CHMP7: variants seen among roughly 807,000 people sequenced by gnomAD.
CHMP7 encodes CHMP family, member 7.
In CHMP7, 15 loss-of-function variants were observed where a neutral mutation model predicts 53.7. That is an observed-to-expected ratio of 0.28 (90% CI 0.19 to 0.43). The LOEUF is 0.43. Among genes scored for constraint, CHMP7 ranks in the 20% least tolerant of loss-of-function variants. The probability of loss-of-function intolerance (pLI) is 1.00; values close to 1 mark genes in which losing one functional copy is unlikely to be tolerated. For synonymous variants in CHMP7, 261 were observed against 228.0 expected, an observed-to-expected ratio of 1.14 and a Z score of -1.30; for missense variants, 527 against 569.4, an observed-to-expected ratio of 0.93 and a Z score of 0.76.
chr8:23,260,419 C>G, intron 10 of CHMP7, 96 bp downstream of exon 10: 1 of 1,535,294 alleles, frequency 6.5e-7, no homozygotes, highest in Non-Finnish European at 9.0e-7. Context: ...TGCCAGAGTA[C>G]CAGAGCCCTG....
chr8:23,253,379 G>T (rs1802001124), intron 3 of CHMP7, among the ~76,000 whole-genome samples: 1 of 152,196 alleles, frequency 6.6e-6, no homozygotes, highest in Non-Finnish European at 1.5e-5. Flanking sequence ...CGCCTCCTGG[G>T]TTCAAGCAAT....
chr8:23,257,245 C>T (rs952229863), intron 5 of CHMP7, among the ~76,000 whole-genome samples: 4 of 151,972 alleles, frequency 2.6e-5, no homozygotes, highest in East Asian at 1.9e-4. Context: ...CACAAGTGTG[C>T]ACCACCATGC....
At chr8:23,251,566 CAATAA>C (rs1169693318) in intron 3 of CHMP7, among the ~76,000 whole-genome samples, 2 of 152,204 alleles carry the variant, frequency 1.3e-5, no homozygotes, top group African/African-American at 4.8e-5. Flanking sequence ...GGTAGACAGT[CAATAA>C]ATACCTGTTG....
chr8:23,260,638 A>T lies in CHMP7; in HGVS notation c.*39A>T. 1 of 1,498,304 alleles carries T rather than the reference A, an allele frequency of 6.7e-7. No homozygotes were observed. Among genetic ancestry groups the T allele is most frequent in the South Asian group, 1.1e-5 (1 of 88,776 alleles). The allele number at this position is 1,498,304 out of a possible 1,614,324, so 92.8% of individuals were successfully genotyped here. ...AGGACCCTCATGTAAAAGAGAGACC[A>T]GGCTTGCTGGGTGTGTACATAGTTA... On this transcript the variant is annotated 3_prime_UTR_variant, in exon 11 of 11. Transcript: ENST00000397677.
chr8:23,246,661 C>A lies in CHMP7; in HGVS notation c.-35C>A. The A allele has an allele frequency of 6.5e-7, 1 of 1,533,666 alleles. No individual in the cohort carries two copies. The highest frequency in any genetic ancestry group is 8.8e-7 in the Non-Finnish European group (1 of 1,137,056). On this transcript the variant is annotated 5_prime_UTR_variant, in exon 2 of 11. Coordinates refer to ENST00000397677, the MANE Select transcript of CHMP7 (RefSeq NM_152272.5). ...AGGGCGGAAGCGGACCAGGGCCAGG[C>A]TTGTGTTCGCAGCCTTGCCGGGGCT...
At chr8:23,255,098 C>CT in intron 3 of CHMP7, 149 bp from the exon 4 acceptor site, 1 of 752,182 alleles carries the variant, frequency 1.3e-6, no homozygotes, top group South Asian at 1.7e-5. Context: ...ATCCTTCCTC[C>CT]TTTTTGAAAA....
intron 9 of CHMP7, 25 bp from the exon 10 acceptor site, chr8:23,260,119 T>C (rs760544469): frequency 1.2e-6 from 2 of 1,603,716 alleles, no homozygotes; most frequent in Admixed American, 1.7e-5. Flanking sequence ...AGTTTATGCA[T>C]CTTTATGTTG....
At chr8:23,259,866 C>G in intron 9 of CHMP7, 1 of 386,642 alleles carries the variant, frequency 2.6e-6, no homozygotes, top group Non-Finnish European at 4.7e-6. Flanking sequence ...TCCTCATTCA[C>G]AAGGCTTCTG....
intron 9 of CHMP7, among the ~76,000 whole-genome samples, chr8:23,259,356 G>A (rs1802288617): frequency 7.0e-6 from 1 of 143,224 alleles, no homozygotes; most frequent in Non-Finnish European, 1.5e-5. Flanking sequence ...TTTTAGTAGA[G>A]ACGGGGTCAT....
Position 23,246,468 on chromosome 8 carries a change from AG to A in CHMP7, c.-227del. On this transcript the variant is annotated 5_prime_UTR_variant, in exon 2 of 11. Transcript: ENST00000397677. ...GACCGTGGGAGGAGGGGTCGGCGCA[AG>A]CGCTCGGTGTCTCTCTGAAAAGAAC... The A allele has an allele frequency of 1.8e-6, 1 of 554,954 alleles. No homozygotes were observed. Among genetic ancestry groups the A allele is most frequent in the Non-Finnish European group, 3.2e-6 (1 of 314,002 alleles). The allele number at this position is 554,954 out of a possible 1,614,324, so 34.4% of individuals were successfully genotyped here.
intron 3 of CHMP7, among the ~76,000 whole-genome samples, chr8:23,250,620 CTGTGTGTGTGTGTGTGTGTGTGTGTGTG>C (rs59970101): frequency 0.059 from 8,511 of 143,392 alleles, 358 homozygotes; most frequent in Middle Eastern, 0.15. Context: ...TGATAGGGGC[CTGTGTGTGTGTGTGTGTGTGTGTGTGTG>C]TGTGTGTGTG....
Position 23,260,294 on chromosome 8 carries a change from A to G in CHMP7, c.1271A>G (p.Glu424Gly). Reference protein sequence around the residue: ...PRISDAELEAELEKLSLSEGG... With the variant: ...PRISDAELEAGLEKLSLSEGG... ...ATCTCAGATGCTGAACTTGAAGCTG[A>G]ACTTGAGAAACTGTCCTTATCAGAG... Residue 424 changes from glutamate to glycine, a missense_variant, in exon 10 of 11, where the codon GAA becomes GGA. Glu to Gly is a moderately conservative substitution (Grantham distance 98). Coordinates refer to ENST00000397677, the MANE Select transcript of CHMP7 (RefSeq NM_152272.5). 6.2e-7 allele frequency: 1 copy of G among 1,614,212 alleles called. No individual in the cohort carries two copies. The highest frequency in any genetic ancestry group is 1.1e-5 in the South Asian group (1 of 91,088).
intron 1 of CHMP7, among the ~76,000 whole-genome samples, chr8:23,245,653 T>G (rs1801659060): frequency 6.6e-6 from 1 of 152,214 alleles, no homozygotes. Flanking sequence ...AGTTGGGAAG[T>G]ATTCCTTTTG....
intron 2 of CHMP7, 133 bp downstream of exon 2, chr8:23,247,127 G>A: frequency 1.1e-6 from 1 of 871,736 alleles, no homozygotes; most frequent in Non-Finnish European, 1.6e-6. Context: ...CATCCAGTGT[G>A]TGTTCAGAAG....
intron 1 of CHMP7, among the ~76,000 whole-genome samples, chr8:23,244,956 A>G (rs1801632472): frequency 6.6e-6 from 1 of 152,174 alleles, no homozygotes; most frequent in Non-Finnish European, 1.5e-5. Flanking sequence ...GTATATGGGA[A>G]TTGACTTTTA....
intron 3 of CHMP7, among the ~76,000 whole-genome samples, chr8:23,250,398 T>C (rs1341233616): frequency 2.0e-5 from 3 of 152,174 alleles, no homozygotes; most frequent in African/African-American, 4.8e-5. Flanking sequence ...TTGCCTGGTA[T>C]GTTCCATCTC....
rs745518326 is a variant in CHMP7 at position 23,256,488 on chromosome 8, C to T, written c.686C>T (p.Ala229Val). ...KIVKFARGPR[A>V]KVSPVNDVDV... ...GTGAAGTTTGCCCGAGGGCCACGTG[C>T]CAAGGTCTCTCCAGTCAATGACGTA... The change falls in exon 5 of 11, where the codon GCC (alanine) becomes GTC (valine). Residue 229 changes from alanine (A) to valine (V), a missense_variant. Transcript: ENST00000397677. 6.2e-7 allele frequency: 1 copy of T among 1,607,226 alleles called. No homozygotes were observed. Among genetic ancestry groups the T allele is most frequent in the Admixed American group, 1.7e-5 (1 of 59,994 alleles).
chr8:23,260,475 C>G, intron 10 of CHMP7, 63 bp from the exon 11 acceptor site: 2 of 1,533,618 alleles, frequency 1.3e-6, no homozygotes, highest in African/African-American at 2.7e-5. Context: ...CTCTTAATCA[C>G]TGGAATGCCT....
chr8:23,256,252 G>T (rs1412030096), intron 4 of CHMP7, among the ~76,000 whole-genome samples: 1 of 152,198 alleles, frequency 6.6e-6, no homozygotes, highest in African/African-American at 2.4e-5. Flanking sequence ...GAAAAATTGT[G>T]AAGAAGGAAA....
Sources: allele counts gnomAD v4.1 joint callset (sites outside exome capture counted in the v4.1 genomes callset), GRCh38; gene constraint gnomAD v4.1.1; transcripts MANE v1.5; gene names NCBI Gene and HGNC (gene_info 2026-07-23, HGNC 2026-07-21).